The following THBS1 variants were observed in gnomAD, a reference collection of about 807,000 sequenced individuals.
THBS1 encodes the protein thrombospondin 1.
Under a neutral mutation model 126.1 loss-of-function variants are expected in THBS1, and 29 were observed. The observed-to-expected ratio is 0.23, with a 90% confidence interval of 0.17 to 0.31. THBS1 has a LOEUF of 0.31. Ranked by LOEUF, THBS1 falls within the 10% of genes least tolerant of loss-of-function variation. The probability of loss-of-function intolerance (pLI) is 1.00; values close to 1 mark genes in which losing one functional copy is unlikely to be tolerated. For synonymous variants in THBS1, 496 were observed against 577.8 expected, an observed-to-expected ratio of 0.86 and a Z score of 2.03; for missense variants, 1,198 against 1,545.2, an observed-to-expected ratio of 0.78 and a Z score of 3.77.
intron 9 of THBS1, 89 bp downstream of exon 9, chr15:39,588,307 T>C (rs1890250471): frequency 6.8e-7 from 1 of 1,474,556 alleles, no homozygotes; most frequent in African/African-American, 1.4e-5. Flanking sequence ...GTTCAGTGGG[T>C]CATAGAGCAG....
chr15:39,588,916 A>C (rs767513495), intron 10 of THBS1, 43 bp from the exon 11 acceptor site: 3 of 1,614,190 alleles, frequency 1.9e-6, no homozygotes, highest in South Asian at 1.1e-5. Context: ...ATGGCAGCTT[A>C]GACCAACCAT....
intron 9 of THBS1, 26 bp from the exon 10 acceptor site, chr15:39,588,500 G>A (rs377247630): frequency 1.6e-5 from 25 of 1,528,294 alleles, no homozygotes; most frequent in Non-Finnish European, 2.1e-5. Context: ...GATCTTAATT[G>A]TTGCCTGTGG....
chr15:39,595,437 G>A lies in THBS1; in HGVS notation c.*68G>A. The A allele has an allele frequency of 6.8e-7, 1 of 1,479,112 alleles. No homozygotes were observed. The highest frequency in any genetic ancestry group is 9.0e-7 in the Non-Finnish European group (1 of 1,112,840). The allele number at this position is 1,479,112 out of a possible 1,614,324, so 91.6% of individuals were successfully genotyped here. ...GGTATTGCACCTTCTGGAACTATGG[G>A]CTTGAGAAAACCCCCAGGATCACTT... On this transcript the variant is annotated 3_prime_UTR_variant, in exon 22 of 22. Transcript: ENST00000260356.
rs752137476 is a variant in THBS1 at position 39,584,162 on chromosome 15, C to T, written c.878C>T (p.Thr293Met). 1.7e-4 allele frequency: 280 copies of T among 1,614,064 alleles called. 4 individuals carry two copies. The East Asian group carries it at 6.0e-3, about 35-fold the overall frequency. ...AGGGGCCTGCGCACCATTGTGACCA[C>T]GCTGCAGGACAGCATCCGCAAAGTG... ...ELRGLRTIVTTLQDSIRKVTE... is the reference protein window; with the variant it reads ...ELRGLRTIVTMLQDSIRKVTE... Residue 293 changes from threonine (T) to methionine (M), a missense_variant, in exon 5 of 22, where the codon ACG becomes ATG. This residue lies in a region of THBS1 where 663 missense variants were observed against 860.1 expected (regional missense o/e 0.77). Coordinates refer to ENST00000260356, the MANE Select transcript of THBS1 (RefSeq NM_003246.4).
Position 39,583,867 on chromosome 15 carries a change from C to G in THBS1, c.704-121C>G, listed in dbSNP as rs968829190. The G allele has an allele frequency of 6.0e-5, 76 of 1,275,352 alleles. 1 individual carries two copies. The Middle Eastern group carries it at 9.3e-4, about 16-fold the overall frequency. The allele number at this position is 1,275,352 out of a possible 1,614,324, so 79.0% of individuals were successfully genotyped here. ...ACACACACACGTATACACACGTGCG[C>G]ATACACGCAACCCCTCTACCTGCAT... is the stretch of plus-strand genomic sequence containing the variant. On this transcript the variant is annotated intron_variant, in intron 4 of 21. Transcript: ENST00000260356.
intron 7 of THBS1, 163 bp from the exon 8 acceptor site, chr15:39,587,184 C>T: frequency 1.7e-6 from 1 of 602,132 alleles, no homozygotes; most frequent in South Asian, 2.9e-5. Flanking sequence ...CATTATACAC[C>T]TTAAATGTAT....
intron 14 of THBS1, chr15:39,590,894 T>C (rs1289362093): frequency 1.7e-5 from 9 of 534,230 alleles, no homozygotes; most frequent in Admixed American, 1.5e-4. Context: ...GTTCCCTAGA[T>C]TCATTTCAAA....
chr15:39,594,428 T>C lies in THBS1; in HGVS notation c.3493T>C (p.Tyr1165His). ...AATGGTGTTCTTCTCTGACCTGAAA[T>C]ACGAATGTAGAGGTAAGAGCAACAT... ...QEMVFFSDLKYECRDP is the reference protein window; with the variant it reads ...QEMVFFSDLKHECRDP The change falls in exon 21 of 22, where the codon TAC becomes CAC. Residue 1165 changes from tyrosine (Y) to histidine (H), a missense_variant. Transcript: ENST00000260356. The surrounding 1 kb of genome is among the most constrained non-coding windows in gnomAD (Gnocchi z 4.4). The C allele has an allele frequency of 1.9e-6, 3 of 1,614,112 alleles. No homozygotes were observed. Among genetic ancestry groups the C allele is most frequent in the Non-Finnish European group, 1.7e-6 (2 of 1,180,004 alleles).
In THBS1 at chr15:39,594,284, A is replaced by G; in HGVS notation, c.3366-17A>G. 6.2e-7 allele frequency: 1 copy of G among 1,613,796 alleles called. No homozygotes were observed. Among genetic ancestry groups the G allele is most frequent in the Non-Finnish European group, 8.5e-7 (1 of 1,179,896 alleles). On this transcript the variant is annotated splice_polypyrimidine_tract_variant and intron_variant, in intron 20 of 21. Coordinates refer to ENST00000260356, the MANE Select transcript of THBS1 (RefSeq NM_003246.4). The surrounding 1 kb of genome is among the most constrained non-coding windows in gnomAD (Gnocchi z 4.4). ...TTAAATAGCATTGTCACTAAACAAG[A>G]TTTTTTTTCCCTGCAGAGTGGTGAT...
At position 39,597,284 on chromosome 15, in the gene THBS1, T is replaced by TG. The variant is rs1489218525; in HGVS notation, c.*1915_*1916insG. The TG allele has an allele frequency of 3.5e-5, 5 of 144,692 alleles. No homozygotes were observed. The highest frequency in any genetic ancestry group is 1.1e-4 in the African/African-American group (4 of 37,906). The allele number at this position is 144,692 out of a possible 1,614,324, so 9.0% of individuals were successfully genotyped here. A position where few individuals can be genotyped will look rare whatever the true frequency, so the allele number is the denominator to read the frequency against. On this transcript the variant is annotated 3_prime_UTR_variant, in exon 22 of 22. Transcript: ENST00000260356. Reference sequence around the variant, plus strand: ...GTTTTTTCTTTTTTTTGTTTTGTTTTTTTTTTTTTTTTTTTTTGCTTTTGA... The same window carrying TG: ...GTTTTTTCTTTTTTTTGTTTTGTTTTGTTTTTTTTTTTTTTTTTGCTTTTGA...
intron 7 of THBS1, chr15:39,586,859 T>TA (rs1391668911): frequency 6.6e-6 from 1 of 152,586 alleles, no homozygotes; most frequent in Non-Finnish European, 1.5e-5. Flanking sequence ...GGCTCAGCTG[T>TA]ACTGAGCCAG....
At position 39,595,432 on chromosome 15, in the gene THBS1, T is replaced by C; in HGVS notation, c.*63T>C. ...ATGCTGGTATTGCACCTTCTGGAAC[T>C]ATGGGCTTGAGAAAACCCCCAGGAT... On this transcript the variant is annotated 3_prime_UTR_variant, in exon 22 of 22. Transcript: ENST00000260356. 1 of 1,485,550 alleles carries C rather than the reference T, an allele frequency of 6.7e-7. No homozygotes were observed. Among genetic ancestry groups the C allele is most frequent in the Non-Finnish European group, 9.0e-7 (1 of 1,116,570 alleles). The allele number at this position is 1,485,550 out of a possible 1,614,324, so 92.0% of individuals were successfully genotyped here.
At chr15:39,582,781 G>A (rs751311046) in intron 3 of THBS1, 29 bp downstream of exon 3, 14 of 1,574,894 alleles carry the variant, frequency 8.9e-6, no homozygotes, top group Non-Finnish European at 1.1e-5. Flanking sequence ...GCCCTGCTCC[G>A]TGGGATCATC....
rs1890350187 is a variant in THBS1 at position 39,592,721 on chromosome 15, C to T, written c.2686C>T (p.His896Tyr). 8 of 1,614,194 alleles carry T rather than the reference C, an allele frequency of 5.0e-6. No individual in the cohort carries two copies. Among genetic ancestry groups the T allele is most frequent in the Middle Eastern group, 1.6e-4 (1 of 6,062 alleles). ...DKDGKGDACDHDDDNDGIPDD... is the reference protein window; with the variant it reads ...DKDGKGDACDYDDDNDGIPDD... The stretch of plus-strand genomic sequence containing the variant: ...AGATGGCAAGGGAGATGCCTGTGAC[C>T]ACGATGATGACAACGATGGCATTCC... Residue 896 changes from histidine to tyrosine, a missense_variant, in exon 17 of 22, where the codon CAC becomes TAC. His to Tyr is a moderately conservative substitution (Grantham distance 83). Coordinates refer to ENST00000260356, the MANE Select transcript of THBS1 (RefSeq NM_003246.4). The surrounding 1 kb of genome is among the most constrained non-coding windows in gnomAD (Gnocchi z 4.3).
At chr15:39,590,699 T>G (rs909691891) in intron 14 of THBS1, 76 bp downstream of exon 14, 3 of 1,174,272 alleles carry the variant, frequency 2.6e-6, no homozygotes, top group Non-Finnish European at 3.8e-6. Context: ...TTCAAGGAAA[T>G]TACATGGCTA....
At position 39,592,923 on chromosome 15, in the gene THBS1, A is replaced by C. The variant is rs936487381; in HGVS notation, c.2768-77A>C. 2.6e-6 allele frequency: 4 copies of C among 1,554,880 alleles called. No homozygotes were observed. The highest frequency in any genetic ancestry group is 3.5e-6 in the Non-Finnish European group (4 of 1,135,944). On this transcript the variant is annotated intron_variant, in intron 17 of 21. Coordinates refer to ENST00000260356, the MANE Select transcript of THBS1 (RefSeq NM_003246.4). The surrounding 1 kb of genome is among the most constrained non-coding windows in gnomAD (Gnocchi z 4.3). ...AAGGGACCAAATGCCAACTTAGACA[A>C]GATAGTGACATTTCTGACACCAGTA...
intron 8 of THBS1, among the ~76,000 whole-genome samples, chr15:39,587,823 T>TA (rs1890238136): frequency 1.3e-5 from 2 of 152,244 alleles, no homozygotes; most frequent in African/African-American, 2.4e-5. Context: ...TGTTAGGATA[T>TA]TAACAGCAAC....
chr15:39,590,283 G>A (rs1047893667), intron 13 of THBS1, among the ~76,000 whole-genome samples: 1 of 152,054 alleles, frequency 6.6e-6, no homozygotes. Context: ...CCAAATACCA[G>A]CAAAGCATGA....
Position 39,589,980 on chromosome 15 carries a change from A to G in THBS1, c.2102A>G (p.Glu701Gly), listed in dbSNP as rs763336935. 11 of 1,613,384 alleles carry G rather than the reference A, an allele frequency of 6.8e-6. No individual in the cohort carries two copies. Among genetic ancestry groups the G allele is most frequent in the Non-Finnish European group, 3.4e-6 (4 of 1,179,642 alleles). Reference sequence around the variant, plus strand: ...ACAGACCTGGATGGCTGGCCCAATGAGAACCTGGTGTGCGTGGCCAATGCG... The same window carrying G: ...ACAGACCTGGATGGCTGGCCCAATGGGAACCTGGTGTGCGTGGCCAATGCG... ...EDTDLDGWPN[E>G]NLVCVANATY... is the part of the protein sequence containing the mutation. Residue 701 changes from glutamate (E) to glycine (G), a missense_variant, in exon 13 of 22, where the codon GAG (glutamate) becomes GGG (glycine). Glu to Gly is a moderately conservative substitution (Grantham distance 98). This residue lies in a region of THBS1 where 663 missense variants were observed against 860.1 expected (regional missense o/e 0.77). Coordinates refer to ENST00000260356, the MANE Select transcript of THBS1 (RefSeq NM_003246.4). This position sits in a 1 kb window ranked among gnomAD's most constrained non-coding sequence, Gnocchi z 4.7.
Sources: allele counts gnomAD v4.1 joint callset (sites outside exome capture counted in the v4.1 genomes callset), GRCh38; gene constraint gnomAD v4.1.1; regional missense constraint gnomAD v4.1.1; non-coding constraint Gnocchi (gnomAD v3.1); transcripts MANE v1.5; gene names NCBI Gene and HGNC (gene_info 2026-07-23, HGNC 2026-07-21).